Variants in POPDC1 observed in about 807,000 individuals in gnomAD.
POPDC1 encodes popeye domain-containing protein 1.
the POPDC1 span, among the ~76,000 whole-genome samples, chr6:105,107,335 A>G: frequency 6.6e-6 from 1 of 152,206 alleles, no homozygotes; most frequent in African/African-American, 2.4e-5. Context: ...AGAAAAAATG[A>G]GGTAAGATTC....
At chr6:105,116,552 C>T in the POPDC1 span, 2 of 636,588 alleles carry the variant, frequency 3.1e-6, no homozygotes, top group African/African-American at 1.9e-5. Flanking sequence ...CTAATCATTA[C>T]AAAATACTTT....
chr6:105,132,972 C>T, the POPDC1 span, among the ~76,000 whole-genome samples: 1 of 152,102 alleles, frequency 6.6e-6, no homozygotes, highest in Admixed American at 6.5e-5. Context: ...TATTTTTACC[C>T]TTATCTGATA....
chr6:105,117,200 C>T, the POPDC1 span, among the ~76,000 whole-genome samples: 1 of 152,108 alleles, frequency 6.6e-6, no homozygotes, highest in South Asian at 2.1e-4. Flanking sequence ...ATATGACTTA[C>T]ATGAAATATT....
chr6:105,128,105 T>G, the POPDC1 span, among the ~76,000 whole-genome samples: 1 of 152,236 alleles, frequency 6.6e-6, no homozygotes, highest in Non-Finnish European at 1.5e-5. Flanking sequence ...AAGGTTTTTT[T>G]GAGCACCTAC....
the POPDC1 span, among the ~76,000 whole-genome samples, chr6:105,123,550 A>G: frequency 5.3e-3 from 800 of 151,970 alleles, 7 homozygotes; most frequent in African/African-American, 0.018. Context: ...ACAGGTGCCC[A>G]CCACCACGCC....
At chr6:105,126,164 T>C in the POPDC1 span, among the ~76,000 whole-genome samples, 23 of 150,544 alleles carry the variant, frequency 1.5e-4, no homozygotes, top group Non-Finnish European at 4.4e-5. Flanking sequence ...AGGTGGAGGT[T>C]GCAGTGAGCT....
At chr6:105,112,581 A>G in the POPDC1 span, among the ~76,000 whole-genome samples, 13 of 152,352 alleles carry the variant, frequency 8.5e-5, no homozygotes, top group South Asian at 2.7e-3. Flanking sequence ...TGATAAGAAT[A>G]AGGCAAAAAT....
At chr6:105,134,409 G>T in the POPDC1 span, among the ~76,000 whole-genome samples, 1 of 151,782 alleles carries the variant, frequency 6.6e-6, no homozygotes, top group Non-Finnish European at 1.5e-5. Context: ...ACCTGTCTTC[G>T]GTCTCCGGTC....
At chr6:105,123,997 CA>C in the POPDC1 span, among the ~76,000 whole-genome samples, 6 of 150,276 alleles carry the variant, frequency 4.0e-5, no homozygotes, top group South Asian at 2.1e-4. Context: ...TTCAAATAAG[CA>C]AAAAAAAATT....
At chr6:105,111,322 T>G in the POPDC1 span, among the ~76,000 whole-genome samples, 1 of 152,180 alleles carries the variant, frequency 6.6e-6, no homozygotes, top group African/African-American at 2.4e-5. Flanking sequence ...GAATTGCCAA[T>G]ACAATCCATC....
chr6:105,125,643 T>C, the POPDC1 span: 1 of 1,486,326 alleles, frequency 6.7e-7, no homozygotes, highest in South Asian at 1.2e-5. Context: ...CTGACTTCTG[T>C]GGTCTAAATA....
chr6:105,105,179 TC>T, the POPDC1 span, among the ~76,000 whole-genome samples: 15 of 151,728 alleles, frequency 9.9e-5, no homozygotes, highest in South Asian at 2.1e-4. Flanking sequence ...GAATCTGCAA[TC>T]CCCCCCCAAC....
the POPDC1 span, among the ~76,000 whole-genome samples, chr6:105,121,788 G>C: frequency 6.6e-6 from 1 of 152,182 alleles, no homozygotes; most frequent in Non-Finnish European, 1.5e-5. Flanking sequence ...CAGTCATTGA[G>C]TCCACTTGCC....
chr6:105,125,035 T>G, the POPDC1 span, among the ~76,000 whole-genome samples: 1 of 152,220 alleles, frequency 6.6e-6, no homozygotes, highest in African/African-American at 2.4e-5. Context: ...GAAGTTGTAT[T>G]TTTGTGATAT....
chr6:105,131,277 T>C, the POPDC1 span, among the ~76,000 whole-genome samples: 7 of 152,204 alleles, frequency 4.6e-5, no homozygotes, highest in African/African-American at 1.7e-4. Flanking sequence ...TCATAGCAAA[T>C]AGTGAAGCAA....
the POPDC1 span, chr6:105,133,678 G>T: frequency 1.1e-6 from 1 of 871,682 alleles, no homozygotes. Context: ...TTATTTCTGT[G>T]AATTAAATAG....
chr6:105,113,182 T>A, the POPDC1 span, among the ~76,000 whole-genome samples: 1 of 152,060 alleles, frequency 6.6e-6, no homozygotes, highest in Non-Finnish European at 1.5e-5. Flanking sequence ...TCCTCCAGCT[T>A]CAACCTCCCA....
chr6:105,102,355 G>C, the POPDC1 span, among the ~76,000 whole-genome samples: 1 of 152,208 alleles, frequency 6.6e-6, no homozygotes, highest in Non-Finnish European at 1.5e-5. Context: ...CAGACAGCTG[G>C]GTTGGCCAGC....
the POPDC1 span, chr6:105,129,638 C>A: frequency 2.5e-6 from 2 of 787,240 alleles, no homozygotes; most frequent in Non-Finnish European, 3.9e-6. Context: ...CCCCAGTGAA[C>A]GCCTGAAACC....
Sources: allele counts gnomAD v4.1 joint callset (sites outside exome capture counted in the v4.1 genomes callset), GRCh38; gene constraint gnomAD v4.1.1; transcripts MANE v1.5; gene names NCBI Gene and HGNC (gene_info 2026-07-23, HGNC 2026-07-21).